The following ATP1A1 variants were observed in gnomAD, a reference collection of about 807,000 sequenced individuals.
ATP1A1 encodes the protein sodium/potassium-transporting ATPase subunit alpha-1.
In ATP1A1, 14 loss-of-function variants were observed where a neutral mutation model predicts 114.8. The ratio of observed to expected loss-of-function variants is 0.12; its 90% confidence interval spans 0.08 to 0.19. ATP1A1 has a LOEUF of 0.19. Ranked by LOEUF, ATP1A1 falls within the 10% of genes least tolerant of loss-of-function variation. ATP1A1 has a pLI of 1.00. For synonymous variants in ATP1A1, 471 were observed against 466.3 expected (o/e 1.01, Z -0.13); for missense variants, 524 against 1,290.7 (o/e 0.41, Z 9.10).
In ATP1A1 at chr1:116,390,025, A is replaced by T. The variant is rs148221990; in HGVS notation, c.1024-188A>T. 432 of 690,168 alleles carry T rather than the reference A, an allele frequency of 6.3e-4. 1 individual carries two copies. The highest frequency in any genetic ancestry group is 9.7e-4 in the Non-Finnish European group (403 of 415,810). 42.8% of individuals were successfully genotyped at this position (690,168 alleles called of 1,614,324 possible). A position where few individuals can be genotyped will look rare whatever the true frequency, so the allele number is the denominator to read the frequency against. ...TAGAATCCTGTTATTATTTTTCTTA[A>T]TAGATTGCTTTTCTGGAAGGAAGGG... On this transcript the variant is annotated intron_variant, in intron 8 of 22. Transcript: ENST00000295598.
Position 116,388,871 on chromosome 1 carries a change from A to G in ATP1A1, c.637-31A>G, listed in dbSNP as rs144791029. On this transcript the variant is annotated intron_variant, in intron 6 of 22. Coordinates refer to ENST00000295598, the MANE Select transcript of ATP1A1 (RefSeq NM_000701.8). The surrounding 1 kb of genome is among the most constrained non-coding windows in gnomAD (Gnocchi z 5.6). ...CCCATGATAAGGCTGGTGTATTCAC[A>G]TGACATTTTTCTTCTTTTCCTCACA... 1,853 of 1,613,616 alleles carry G rather than the reference A, an allele frequency of 1.1e-3. 2 individuals carry two copies. Among genetic ancestry groups the G allele is most frequent in the Middle Eastern group, 3.0e-3 (18 of 6,058 alleles).
chr1:116,373,645 G>C, intron 1 of ATP1A1, 122 bp downstream of exon 1: 1 of 1,161,218 alleles, frequency 8.6e-7, no homozygotes, highest in Non-Finnish European at 1.1e-6. Context: ...CGCGTGGAGT[G>C]GGCTGGCAGA....
intron 1 of ATP1A1, chr1:116,373,727 C>T (rs918083946): frequency 1.1e-5 from 10 of 894,788 alleles, no homozygotes; most frequent in Admixed American, 6.1e-5. Flanking sequence ...GGGAAGGGAG[C>T]GCCGAGGGGC....
At position 116,387,086 on chromosome 1, in the gene ATP1A1, A is replaced by T. The variant is rs755064514; in HGVS notation, c.184-202A>T. Among the ~76,000 whole-genome samples, 2 of 152,162 alleles carry T rather than the reference A, an allele frequency of 1.3e-5. No individual in the cohort carries two copies. Among genetic ancestry groups the T allele is most frequent in the Non-Finnish European group, 2.9e-5 (2 of 68,028 alleles). On this transcript the variant is annotated intron_variant, in intron 3 of 22. Transcript: ENST00000295598. The surrounding 1 kb of genome is among the most constrained non-coding windows in gnomAD (Gnocchi z 6.7). ...TGGGTGTTATGAGTTCCTTGGGCCT[A>T]TTGTTTGCCTGAACCCTGTGGGGAC... is the stretch of plus-strand genomic sequence containing the variant.
chr1:116,400,834 A>G (rs759213592), intron 18 of ATP1A1, 27 bp from the exon 19 acceptor site: 11 of 1,607,238 alleles, frequency 6.8e-6, no homozygotes, highest in Non-Finnish European at 8.5e-6. Context: ...GTGAGGTTCT[A>G]GTAATTGGGT....
chr1:116,383,771 A>T (rs1175009509), intron 1 of ATP1A1, among the ~76,000 whole-genome samples: 2 of 152,224 alleles, frequency 1.3e-5, no homozygotes, highest in Non-Finnish European at 2.9e-5. Context: ...GCCTACCGGT[A>T]GCTTCAGTAT....
At chr1:116,380,770 C>T (rs1651693223) in intron 1 of ATP1A1, among the ~76,000 whole-genome samples, 1 of 152,178 alleles carries the variant, frequency 6.6e-6, no homozygotes, top group African/African-American at 2.4e-5. Context: ...CCTTTTCCCT[C>T]TACCCAGATC....
In ATP1A1 at chr1:116,387,013, CA is replaced by C. The variant is rs1257017506; in HGVS notation, c.184-274del. Among the ~76,000 whole-genome samples the C allele has an allele frequency of 6.6e-6, 1 of 152,100 alleles. No homozygotes were observed. The highest frequency in any genetic ancestry group is 2.4e-5 in the African/African-American group (1 of 41,406). On this transcript the variant is annotated intron_variant, in intron 3 of 22. Transcript: ENST00000295598. The surrounding 1 kb of genome is among the most constrained non-coding windows in gnomAD (Gnocchi z 6.7). ...CCTTGATCTAAAACTTAGAAGAAAC[CA>C]GGCTGAATTCAAATTTATTGATGGA...
chr1:116,395,054 T>A lies in ATP1A1; in HGVS notation c.1661-56T>A. The A allele has an allele frequency of 6.4e-7, 1 of 1,561,062 alleles. No individual in the cohort carries two copies. The highest frequency in any genetic ancestry group is 8.7e-7 in the Non-Finnish European group (1 of 1,148,158). On this transcript the variant is annotated intron_variant, in intron 12 of 22. Coordinates refer to ENST00000295598, the MANE Select transcript of ATP1A1 (RefSeq NM_000701.8). This position sits in a 1 kb window ranked among gnomAD's most constrained non-coding sequence, Gnocchi z 6.4. The stretch of plus-strand genomic sequence containing the variant: ...AGGCGGGCTGAATAGGCTGCTGTTG[T>A]CCTTCTTACTGCCCAGCGTCACTGA...
intron 21 of ATP1A1, among the ~76,000 whole-genome samples, chr1:116,402,791 G>C (rs896681612): frequency 2.0e-5 from 3 of 152,210 alleles, no homozygotes; most frequent in African/African-American, 7.2e-5. Flanking sequence ...TGTCCCTCCA[G>C]GGCCTGTGCA....
chr1:116,401,634 C>G lies in ATP1A1; in HGVS notation c.2930C>G (p.Ala977Gly). ...FLSYCPGMGV[A>G]LRMYPLKPTW... is the part of the protein sequence containing the mutation. ...TCCTACTGCCCTGGAATGGGTGTTGCTCTTAGGATGTATCCCCTCAAGTAA... is the reference window on the plus strand; with the variant it reads ...TCCTACTGCCCTGGAATGGGTGTTGGTCTTAGGATGTATCCCCTCAAGTAA... Residue 977 changes from alanine (A) to glycine (G), a missense_variant, in exon 21 of 23, where the codon GCT becomes GGT. Coordinates refer to ENST00000295598, the MANE Select transcript of ATP1A1 (RefSeq NM_000701.8). This position sits in a 1 kb window ranked among gnomAD's most constrained non-coding sequence, Gnocchi z 4.7. The G allele has an allele frequency of 6.2e-7, 1 of 1,614,196 alleles. No homozygotes were observed. Among genetic ancestry groups the G allele is most frequent in the Non-Finnish European group, 8.5e-7 (1 of 1,180,026 alleles).
Position 116,401,190 on chromosome 1 carries a change from G to A in ATP1A1, c.2779G>A (p.Val927Met), listed in dbSNP as rs775252649. The A allele has an allele frequency of 9.9e-6, 16 of 1,614,100 alleles. No individual in the cohort carries two copies. In the Admixed American group the frequency reaches 1.8e-4, roughly 18 times the overall value. ...CCACACAGCCTTCTTCGTCAGTATC[G>A]TGGTGGTGCAGTGGGCCGACTTGGT... ...TCHTAFFVSI[V>M]VVQWADLVIC... is the part of the protein sequence containing the mutation. The change falls in exon 20 of 23, where the codon GTG (valine) becomes ATG (methionine). Residue 927 changes from valine to methionine, a missense_variant. Around this residue, in one of 8 missense-constraint regions of ATP1A1, gnomAD observed 84 missense variants for 209.3 expected, o/e 0.40. Transcript: ENST00000295598. The surrounding 1 kb of genome is among the most constrained non-coding windows in gnomAD (Gnocchi z 4.7).
Position 116,397,939 on chromosome 1 carries a change from C to G in ATP1A1, c.2025C>G (p.Ser675=). ...GCAGTGATCTAAAGGACATGACCTC[C>G]GAGCAGCTGGATGACATTTTGAAGT... ...VHGSDLKDMT[S]EQLDDILKYH... Residue 675 remains serine (S), a synonymous_variant, in exon 15 of 23, where the codon TCC becomes TCG. Coordinates refer to ENST00000295598, the MANE Select transcript of ATP1A1 (RefSeq NM_000701.8). The surrounding 1 kb of genome is among the most constrained non-coding windows in gnomAD (Gnocchi z 4.2). 1.2e-6 allele frequency: 2 copies of G among 1,613,766 alleles called. No homozygotes were observed. Among genetic ancestry groups the G allele is most frequent in the Non-Finnish European group, 1.7e-6 (2 of 1,179,994 alleles).
intron 21 of ATP1A1, among the ~76,000 whole-genome samples, chr1:116,403,363 T>C (rs1394717152): frequency 6.6e-6 from 1 of 152,198 alleles, no homozygotes; most frequent in Non-Finnish European, 1.5e-5. Flanking sequence ...GCTCAGCTTT[T>C]TTCAGTCCCC....
chr1:116,400,007 C>A (rs950605876), intron 18 of ATP1A1, among the ~76,000 whole-genome samples: 18 of 152,212 alleles, frequency 1.2e-4, no homozygotes, highest in Admixed American at 6.5e-5. Context: ...CCTCCATCCA[C>A]CTCACACTGG....
Position 116,397,063 on chromosome 1 carries a change from G to C in ATP1A1, c.1973+329G>C, listed in dbSNP as rs1652990956. The stretch of plus-strand genomic sequence containing the variant: ...CAGTAAATTCAGCAGTCTAGCTTCT[G>C]ATTTCATGCTGTTAACCACTGAGCT... On this transcript the variant is annotated intron_variant, in intron 14 of 22. Coordinates refer to ENST00000295598, the MANE Select transcript of ATP1A1 (RefSeq NM_000701.8). The surrounding 1 kb of genome is among the most constrained non-coding windows in gnomAD (Gnocchi z 4.2). 6.6e-6 allele frequency among the ~76,000 whole-genome samples: 1 copy of C among 152,160 alleles called. No homozygotes were observed. The highest frequency in any genetic ancestry group is 2.4e-5 in the African/African-American group (1 of 41,426).
At position 116,404,282 on chromosome 1, in the gene ATP1A1, G is replaced by T; in HGVS notation, c.3044-134G>T. On this transcript the variant is annotated intron_variant, in intron 22 of 22. Transcript: ENST00000295598. This position sits in a 1 kb window ranked among gnomAD's most constrained non-coding sequence, Gnocchi z 4.8. ...AAAACATGTAAATAAGTACAGTTGAGGTCCCATGTTTGGATTTTAACACAC... is the reference window on the plus strand; with the variant it reads ...AAAACATGTAAATAAGTACAGTTGATGTCCCATGTTTGGATTTTAACACAC... 9.5e-7 allele frequency: 1 copy of T among 1,057,614 alleles called. No homozygotes were observed. Among genetic ancestry groups the T allele is most frequent in the East Asian group, 2.6e-5 (1 of 39,156 alleles). 65.5% of individuals were successfully genotyped at this position (1,057,614 alleles called of 1,614,324 possible). A position where few individuals can be genotyped will look rare whatever the true frequency, so the allele number is the denominator to read the frequency against.
At chr1:116,377,947 T>C (rs1651478981) in intron 1 of ATP1A1, among the ~76,000 whole-genome samples, 1 of 152,196 alleles carries the variant, frequency 6.6e-6, no homozygotes, top group Non-Finnish European at 1.5e-5. Context: ...TCTCCATTTA[T>C]ATATTTTGGG....
At chr1:116,390,169 C>G (rs773266499) in intron 8 of ATP1A1, 44 bp from the exon 9 acceptor site, 8 of 1,578,428 alleles carry the variant, frequency 5.1e-6, no homozygotes, top group Non-Finnish European at 7.0e-6. Flanking sequence ...GTATAGAATT[C>G]CAGCCTGGTT....
Sources: gnomAD v4.1 joint callset for allele counts (sites outside exome capture counted in the v4.1 genomes callset) on GRCh38, gnomAD v4.1.1 for gene constraint, gnomAD v4.1.1 regional missense constraint, Gnocchi (gnomAD v3.1) non-coding constraint, MANE v1.5 for transcripts, NCBI Gene and HGNC (gene_info 2026-07-23, HGNC 2026-07-21) for gene names.